POLG2: variants seen among roughly 807,000 people sequenced by gnomAD.
POLG2 encodes DNA polymerase gamma 2, accessory subunit.
In POLG2, 50 loss-of-function variants were observed where a neutral mutation model predicts 56.5. That is an observed-to-expected ratio of 0.88 (90% CI 0.71 to 1.12). POLG2 has a LOEUF of 1.12. POLG2 is among the 50% of genes most tolerant of loss of function. The pLI is 0.00. For synonymous variants in POLG2, 226 were observed against 222.6 expected (o/e 1.02, Z -0.14); for missense variants, 584 against 583.3 (o/e 1.00, Z -0.01).
intron 1 of POLG2, among the ~76,000 whole-genome samples, chr17:64,494,387 A>G (rs1397289077): frequency 6.6e-6 from 1 of 152,014 alleles, no homozygotes; most frequent in Non-Finnish European, 1.5e-5. Context: ...AAGGTAGTAA[A>G]TATCCACTCC....
At chr17:64,490,534 C>A in intron 4 of POLG2, 1 of 462,622 alleles carries the variant, frequency 2.2e-6, no homozygotes, top group Non-Finnish European at 3.9e-6. Context: ...ATGACAACTA[C>A]ATGAAAGACA....
Position 64,483,341 on chromosome 17 carries a change from TTCTC to T in POLG2, c.1111-346_1111-343del, listed in dbSNP as rs527428443. ...CCAGCCTGGGCAACACGGTGAAAAC[TTCTC>T]TCTACCAAAAAAATACAAAAAAATT... On this transcript the variant is annotated intron_variant, in intron 5 of 7. Coordinates refer to ENST00000539111, the MANE Select transcript of POLG2 (RefSeq NM_007215.4). 5.4e-3 allele frequency among the ~76,000 whole-genome samples: 814 copies of T among 151,754 alleles called. 6 individuals carry two copies. The highest frequency in any genetic ancestry group is 7.9e-3 in the Non-Finnish European group (536 of 67,918).
rs781834593 is a variant in POLG2 at position 64,496,980 on chromosome 17, G to A, written c.-12C>T. Reference sequence around the variant, plus strand: ...ACACGAGAGCGCATCTCTCTCCGAAGTTAAAGAGCACACTCTCCCATCACT... The same window carrying A: ...ACACGAGAGCGCATCTCTCTCCGAAATTAAAGAGCACACTCTCCCATCACT... On this transcript the variant is annotated 5_prime_UTR_variant, in exon 1 of 8. Coordinates refer to ENST00000539111, the MANE Select transcript of POLG2 (RefSeq NM_007215.4). 1.2e-6 allele frequency: 2 copies of A among 1,600,612 alleles called. No homozygotes were observed. The highest frequency in any genetic ancestry group is 1.7e-6 in the Non-Finnish European group (2 of 1,178,138).
intron 1 of POLG2, among the ~76,000 whole-genome samples, chr17:64,494,470 AATG>A (rs1335441042): frequency 6.6e-6 from 1 of 152,176 alleles, no homozygotes; most frequent in Non-Finnish European, 1.5e-5. Context: ...TGCTTGAATC[AATG>A]ATATCGGGGT....
chr17:64,494,590 G>A (rs1458544665), intron 1 of POLG2, among the ~76,000 whole-genome samples: 1 of 151,242 alleles, frequency 6.6e-6, no homozygotes, highest in Non-Finnish European at 1.5e-5. Context: ...CCCCGCCCCC[G>A]ACCTCTAGGG....
In POLG2 at chr17:64,493,303, C is replaced by T. The variant is rs554320418; in HGVS notation, c.563-282G>A. Among the ~76,000 whole-genome samples the T allele has an allele frequency of 5.1e-4, 78 of 152,152 alleles. No homozygotes were observed. The South Asian group carries it at 6.2e-3, about 12-fold the overall frequency. On this transcript the variant is annotated intron_variant, in intron 1 of 7. Coordinates refer to ENST00000539111, the MANE Select transcript of POLG2 (RefSeq NM_007215.4). ...CATGGTGGTGTGTGCCTTGTAGTCC[C>T]AGCTACTTGGAAAGCTGGGAGGTGG...
chr17:64,486,325 C>T (rs1555667466), intron 4 of POLG2, among the ~76,000 whole-genome samples: 1 of 151,340 alleles, frequency 6.6e-6, no homozygotes, highest in Non-Finnish European at 1.5e-5. Flanking sequence ...TTCTTTAATG[C>T]TTCCGAGCTC....
chr17:64,480,782 A>G (rs1483209498), intron 6 of POLG2, among the ~76,000 whole-genome samples: 1 of 152,174 alleles, frequency 6.6e-6, no homozygotes, highest in Non-Finnish European at 1.5e-5. Flanking sequence ...GCCCTAGGTT[A>G]TACCACCAAG....
chr17:64,495,559 AGAGT>A (rs1482384264), intron 1 of POLG2, among the ~76,000 whole-genome samples: 2 of 152,248 alleles, frequency 1.3e-5, no homozygotes, highest in African/African-American at 2.4e-5. Context: ...TCTGGGTGAC[AGAGT>A]GAGACCCATA....
Position 64,485,732 on chromosome 17 carries a change from C to CA in POLG2, c.1105_1106insT (p.Arg369MetfsTer5). The CA allele has an allele frequency of 6.2e-7, 1 of 1,612,292 alleles. No individual in the cohort carries two copies. The highest frequency in any genetic ancestry group is 8.5e-7 in the Non-Finnish European group (1 of 1,178,348). On this transcript the variant is annotated frameshift_variant, in exon 5 of 8. Coordinates refer to ENST00000539111, the MANE Select transcript of POLG2 (RefSeq NM_007215.4). LOFTEE classifies it high-confidence loss of function. ...TCTCTGAAATATCAACAGCACCTTT[C>CA]TATGAAGATTTTTCTTTCTTGTAAA...
At chr17:64,495,556 G>A (rs1182087970) in intron 1 of POLG2, among the ~76,000 whole-genome samples, 1 of 152,190 alleles carries the variant, frequency 6.6e-6, no homozygotes, top group Non-Finnish European at 1.5e-5. Context: ...GAGTCTGGGT[G>A]ACAGAGTGAG....
intron 1 of POLG2, among the ~76,000 whole-genome samples, chr17:64,494,899 C>A (rs1212740558): frequency 1.3e-5 from 2 of 152,208 alleles, no homozygotes; most frequent in African/African-American, 4.8e-5. Context: ...GGAGGCCGGG[C>A]GCAGTGGCTC....
intron 5 of POLG2, among the ~76,000 whole-genome samples, chr17:64,483,683 TA>T (rs2037902738): frequency 6.6e-6 from 1 of 152,022 alleles, no homozygotes; most frequent in Admixed American, 6.6e-5. Flanking sequence ...TTTTTATATA[TA>T]TTTTTTTGAA....
chr17:64,491,678 G>A (rs2038061134), intron 3 of POLG2: 3 of 1,216,596 alleles, frequency 2.5e-6, no homozygotes, highest in Non-Finnish European at 3.6e-6. Flanking sequence ...ACATCAACGT[G>A]AAGAAGGGGA....
At chr17:64,480,721 A>C (rs1299790511) in intron 6 of POLG2, among the ~76,000 whole-genome samples, 2 of 152,140 alleles carry the variant, frequency 1.3e-5, no homozygotes, top group African/African-American at 4.8e-5. Flanking sequence ...AAACCAGGAG[A>C]TCCAAAGGGC....
chr17:64,487,092 A>G (rs1347291784), intron 4 of POLG2: 5 of 152,324 alleles, frequency 3.3e-5, no homozygotes, highest in South Asian at 4.1e-4. Context: ...ACAAAAAAAA[A>G]AGAGAGAAAA....
rs553959373 is a variant in POLG2 at position 64,496,510 on chromosome 17, T to C, written c.459A>G (p.Leu153=). ...SAFRLVSAET[L]REILQDKELS... is the part of the protein sequence containing the mutation. ...GCTCTTTGTCTTGCAAGATTTCGCG[T>C]AGAGTTTCTGCAGAAACTAACCTGA... The change falls in exon 1 of 8, where the codon CTA becomes CTG. Residue 153 remains leucine, a synonymous_variant. Coordinates refer to ENST00000539111, the MANE Select transcript of POLG2 (RefSeq NM_007215.4). 4.3e-6 allele frequency: 7 copies of C among 1,613,208 alleles called. No individual in the cohort carries two copies. The African/African-American group carries it at 9.3e-5, about 22-fold the overall frequency.
chr17:64,492,901 A>G lies in POLG2; in HGVS notation c.683T>C (p.Val228Ala). The G allele has an allele frequency of 6.2e-7, 1 of 1,614,126 alleles. No homozygotes were observed. The highest frequency in any genetic ancestry group is 1.1e-5 in the South Asian group (1 of 91,088). ...TATTTGCCACTTTTTATACCTTTTA[A>G]CACCATTTCGTATCTGCTTAGTGTC... Reference protein sequence around the residue: ...VFDTKQIRNGVKSIGEKTEAS... With the variant: ...VFDTKQIRNGAKSIGEKTEAS... The change falls in exon 2 of 8, where the codon GTT (valine) becomes GCT (alanine). Residue 228 changes from valine (V) to alanine (A), a missense_variant. Physicochemically the swap from Val to Ala is moderately conservative, Grantham distance 64. Coordinates refer to ENST00000539111, the MANE Select transcript of POLG2 (RefSeq NM_007215.4).
At chr17:64,478,811 C>T (rs538877153) in intron 7 of POLG2, among the ~76,000 whole-genome samples, 1 of 152,046 alleles carries the variant, frequency 6.6e-6, no homozygotes, top group South Asian at 2.1e-4. Flanking sequence ...GCAGGAGAAT[C>T]GCTTGAACAC....
Sources: gnomAD v4.1 joint callset for allele counts (sites outside exome capture counted in the v4.1 genomes callset) on GRCh38, gnomAD v4.1.1 for gene constraint, MANE v1.5 for transcripts, NCBI Gene and HGNC (gene_info 2026-07-23, HGNC 2026-07-21) for gene names.